Variants in PPP1R16B observed in about 807,000 individuals in gnomAD.
PPP1R16B encodes protein phosphatase 1 regulatory subunit 16B, also known as protein phosphatase 1 regulatory inhibitor subunit 16B.
A neutral mutation model predicts 61.7 loss-of-function variants in PPP1R16B; 14 were observed. The observed-to-expected ratio is 0.23, with a 90% CI of 0.15 to 0.35. PPP1R16B has a LOEUF of 0.35. Ranked by LOEUF, PPP1R16B falls within the 10% of genes least tolerant of loss-of-function variation. The probability of loss-of-function intolerance (pLI) is 1.00; values close to 1 mark genes in which losing one functional copy is unlikely to be tolerated. For missense variants in PPP1R16B, 547 were observed against 752.5 expected (o/e 0.73, Z 3.19); for synonymous variants, 266 against 305.3 (o/e 0.87, Z 1.34).
At chr20:38,816,514 CCTT>C (rs2084736291) in intron 1 of PPP1R16B, among the ~76,000 whole-genome samples, 1 of 152,198 alleles carries the variant, frequency 6.6e-6, no homozygotes, top group African/African-American at 2.4e-5. Context: ...AAAGGGACCT[CCTT>C]CTCAAAAAGA....
chr20:38,842,317 GC>G (rs1214079135), intron 2 of PPP1R16B, among the ~76,000 whole-genome samples: 1 of 152,216 alleles, frequency 6.6e-6, no homozygotes, highest in African/African-American at 2.4e-5. Context: ...TTGATTTGGG[GC>G]CCCCAAGATA....
At chr20:38,869,037 A>G (rs1289440828) in intron 2 of PPP1R16B, among the ~76,000 whole-genome samples, 1 of 151,564 alleles carries the variant, frequency 6.6e-6, no homozygotes, top group African/African-American at 2.4e-5. Context: ...TTCCCAGTCA[A>G]TCCCCTACGC....
chr20:38,902,019 G>A (rs1371988692), intron 5 of PPP1R16B, among the ~76,000 whole-genome samples: 6 of 150,246 alleles, frequency 4.0e-5, no homozygotes, highest in East Asian at 3.9e-4. Flanking sequence ...GAATTCGATC[G>A]AACAGTGCTT....
intron 10 of PPP1R16B, among the ~76,000 whole-genome samples, chr20:38,916,668 T>A (rs554214672): frequency 1.3e-5 from 2 of 152,012 alleles, no homozygotes; most frequent in East Asian, 3.9e-4. Context: ...ATTATTATTG[T>A]TTTTATTTTT....
chr20:38,829,479 T>C (rs1214418999), intron 1 of PPP1R16B, among the ~76,000 whole-genome samples: 2 of 152,242 alleles, frequency 1.3e-5, no homozygotes, highest in Non-Finnish European at 2.9e-5. Context: ...GATTTTCCGA[T>C]GCTGGGCTTG....
chr20:38,846,153 G>C (rs2084934514), intron 2 of PPP1R16B, among the ~76,000 whole-genome samples: 1 of 152,216 alleles, frequency 6.6e-6, no homozygotes, highest in South Asian at 2.1e-4. Context: ...TGTCCAAGTT[G>C]ACATGTCCTT....
intron 5 of PPP1R16B, among the ~76,000 whole-genome samples, chr20:38,901,958 T>C (rs1320375086): frequency 1.1e-4 from 16 of 152,248 alleles, no homozygotes; most frequent in Admixed American, 1.0e-3. Context: ...CGTTTAAAGC[T>C]TAGTCAAAAG....
intron 6 of PPP1R16B, among the ~76,000 whole-genome samples, chr20:38,903,148 CA>C (rs896928167): frequency 6.6e-6 from 1 of 152,088 alleles, no homozygotes; most frequent in South Asian, 2.1e-4. Context: ...AACAAACAAA[CA>C]AAAAAGAATC....
chr20:38,903,310 G>A (rs1381142198), intron 6 of PPP1R16B, among the ~76,000 whole-genome samples: 1 of 151,970 alleles, frequency 6.6e-6, no homozygotes, highest in Non-Finnish European at 1.5e-5. Flanking sequence ...CTCTAATGAT[G>A]TCCTCCATTA....
chr20:38,870,165 TCACCTCAAGTGATC>T (rs2085118713), intron 2 of PPP1R16B, among the ~76,000 whole-genome samples: 1 of 152,010 alleles, frequency 6.6e-6, no homozygotes, highest in East Asian at 1.9e-4. Context: ...CTCAAGTGAT[TCACCTCAAGTGATC>T]CACCCGCCTT....
At chr20:38,835,786 T>C in intron 1 of PPP1R16B, 39 bp from the exon 2 acceptor site, 1 of 1,033,988 alleles carries the variant, frequency 9.7e-7, no homozygotes, top group Non-Finnish European at 1.4e-6. Flanking sequence ...TTGTGGAGTC[T>C]GACACATGTG....
intron 2 of PPP1R16B, among the ~76,000 whole-genome samples, chr20:38,839,844 C>G (rs1412728514): frequency 6.6e-6 from 1 of 152,198 alleles, no homozygotes; most frequent in Admixed American, 6.5e-5. Flanking sequence ...GCAGATTTTT[C>G]CAGTAGCTTC....
chr20:38,833,994 A>C (rs2084853586), intron 1 of PPP1R16B, among the ~76,000 whole-genome samples: 1 of 152,220 alleles, frequency 6.6e-6, no homozygotes, highest in Non-Finnish European at 1.5e-5. Flanking sequence ...TCTTTGAGAC[A>C]GTGGACCACA....
chr20:38,817,778 T>C (rs1378112340), intron 1 of PPP1R16B, among the ~76,000 whole-genome samples: 2 of 151,748 alleles, frequency 1.3e-5, no homozygotes, highest in East Asian at 3.9e-4. Flanking sequence ...GGCGTAGTGG[T>C]TCATGCTTGT....
At chr20:38,846,768 C>T (rs1202973987) in intron 2 of PPP1R16B, among the ~76,000 whole-genome samples, 3 of 152,086 alleles carry the variant, frequency 2.0e-5, no homozygotes, top group African/African-American at 7.2e-5. Context: ...CTTTGAGAGG[C>T]CAAGGCGGGA....
At chr20:38,865,639 T>G (rs2145740589) in intron 2 of PPP1R16B, among the ~76,000 whole-genome samples, 1 of 152,302 alleles carries the variant, frequency 6.6e-6, no homozygotes, top group East Asian at 1.9e-4. Flanking sequence ...ACTCACGTCC[T>G]GCACAGGTGG....
chr20:38,883,371 T>G (rs1216350093), intron 2 of PPP1R16B, among the ~76,000 whole-genome samples: 1 of 152,232 alleles, frequency 6.6e-6, no homozygotes, highest in African/African-American at 2.4e-5. Context: ...CGGTGATGTC[T>G]CCCTGCAAAG....
At position 38,865,993 on chromosome 20, in the gene PPP1R16B, G is replaced by A. The variant is rs567557800; in HGVS notation, c.251-23602G>A. 7.2e-5 allele frequency among the ~76,000 whole-genome samples: 11 copies of A among 152,102 alleles called. No homozygotes were observed. The East Asian group carries it at 1.8e-3, about 24-fold the overall frequency. ...ACAAAAATTAGCCAGACATGGTGGC[G>A]TGTGCCAGTAATCCCAGCTACTCAG... On this transcript the variant is annotated intron_variant, in intron 2 of 10. Transcript: ENST00000299824.
chr20:38,868,290 AT>A (rs1200722457), intron 2 of PPP1R16B, among the ~76,000 whole-genome samples: 1 of 152,184 alleles, frequency 6.6e-6, no homozygotes, highest in African/African-American at 2.4e-5. Context: ...AGCTAAGCTC[AT>A]GCCTTTTTAC....
Sources: allele counts gnomAD v4.1 joint callset (sites outside exome capture counted in the v4.1 genomes callset), GRCh38; gene constraint gnomAD v4.1.1; transcripts MANE v1.5; gene names NCBI Gene and HGNC (gene_info 2026-07-23, HGNC 2026-07-21).